The following ANKRD12 variants were observed in gnomAD, a reference collection of about 807,000 sequenced individuals.
The protein encoded by ANKRD12 is ankyrin repeat domain-containing protein 12.
A neutral mutation model predicts 183.4 loss-of-function variants in ANKRD12; 85 were observed. The observed-to-expected ratio is 0.46, with a 90% CI of 0.39 to 0.56. The LOEUF (loss-of-function observed/expected upper bound fraction) is 0.56, where lower values mean the gene tolerates loss of function less well. Among genes scored for constraint, ANKRD12 ranks in the 20% least tolerant of loss-of-function variants. ANKRD12 has a pLI of 0.00. For missense variants in ANKRD12, 2,405 were observed against 2,357.1 expected, an observed-to-expected ratio of 1.02 and a Z score of -0.42; for synonymous variants, 914 against 800.2, an observed-to-expected ratio of 1.14 and a Z score of -2.40.
intron 1 of ANKRD12, among the ~76,000 whole-genome samples, chr18:9,167,215 C>CA (rs1037503212): frequency 2.0e-5 from 3 of 151,814 alleles, no homozygotes; most frequent in African/African-American, 7.3e-5. Context: ...TTTTTGGTTC[C>CA]ATATGAACTT....
At chr18:9,140,471 C>G (rs1240734579) in intron 1 of ANKRD12, among the ~76,000 whole-genome samples, 1 of 152,154 alleles carries the variant, frequency 6.6e-6, no homozygotes, top group Non-Finnish European at 1.5e-5. Context: ...TATGAAGTTT[C>G]TTTAGCCTTT....
At chr18:9,261,002 A>G (rs563424519) in intron 9 of ANKRD12, among the ~76,000 whole-genome samples, 1 of 152,038 alleles carries the variant, frequency 6.6e-6, no homozygotes, top group African/African-American at 2.4e-5. Flanking sequence ...TCCCGTTCTC[A>G]CACTAAGCCT....
rs527756793 is a variant in ANKRD12 at position 9,244,093 on chromosome 18, C to T, written c.944-10118C>T. ...AGGTTACAGTGAGCCGAGGTCGCACCACTGCGCTCCAACCTGGACAACAAG... is the reference window on the plus strand; with the variant it reads ...AGGTTACAGTGAGCCGAGGTCGCACTACTGCGCTCCAACCTGGACAACAAG... On this transcript the variant is annotated intron_variant, in intron 8 of 12. Coordinates refer to ENST00000262126, the MANE Select transcript of ANKRD12 (RefSeq NM_015208.5). Among the ~76,000 whole-genome samples the T allele has an allele frequency of 2.0e-5, 3 of 152,304 alleles. No homozygotes were observed. In the South Asian group the frequency reaches 6.2e-4, roughly 32 times the overall value.
intron 8 of ANKRD12, among the ~76,000 whole-genome samples, chr18:9,251,968 T>C (rs1038170718): frequency 1.9e-4 from 29 of 152,332 alleles, no homozygotes; most frequent in African/African-American, 6.5e-4. Context: ...GAAATAATTG[T>C]ATAAAATGTT....
At chr18:9,251,299 T>C (rs2038283798) in intron 8 of ANKRD12, among the ~76,000 whole-genome samples, 1 of 152,156 alleles carries the variant, frequency 6.6e-6, no homozygotes, top group Non-Finnish European at 1.5e-5. Flanking sequence ...TTGGATACCA[T>C]ACAAGAAAAG....
chr18:9,262,432 G>T (rs1395399682), intron 9 of ANKRD12, among the ~76,000 whole-genome samples: 3 of 152,092 alleles, frequency 2.0e-5, no homozygotes, highest in Admixed American at 6.5e-5. Flanking sequence ...GCCATCTCTT[G>T]GACATCTTTT....
At chr18:9,223,059 A>G (rs1360075275) in intron 8 of ANKRD12, among the ~76,000 whole-genome samples, 1 of 152,228 alleles carries the variant, frequency 6.6e-6, no homozygotes, top group African/African-American at 2.4e-5. Context: ...GAAAAAATTT[A>G]ATTATCTGAA....
intron 7 of ANKRD12, among the ~76,000 whole-genome samples, chr18:9,220,231 T>C (rs1388581787): frequency 1.3e-5 from 2 of 152,248 alleles, no homozygotes; most frequent in Non-Finnish European, 2.9e-5. Flanking sequence ...TTTCATGTTA[T>C]TCATTTAAGT....
At chr18:9,249,473 T>C (rs191470308) in intron 8 of ANKRD12, among the ~76,000 whole-genome samples, 2 of 152,312 alleles carry the variant, frequency 1.3e-5, no homozygotes, top group Admixed American at 1.3e-4. Context: ...GAAATGATTC[T>C]AAACCAGTGA....
intron 5 of ANKRD12, among the ~76,000 whole-genome samples, chr18:9,211,153 G>A (rs2035781573): frequency 6.6e-6 from 1 of 151,856 alleles, no homozygotes; most frequent in Middle Eastern, 3.2e-3. Flanking sequence ...ACCTTGATTT[G>A]CACATAATAT....
intron 2 of ANKRD12, among the ~76,000 whole-genome samples, chr18:9,184,553 C>G (rs1222597154): frequency 2.0e-5 from 3 of 152,008 alleles, no homozygotes; most frequent in Non-Finnish European, 4.4e-5. Context: ...CCACTATGCC[C>G]AGAGATAGGG....
chr18:9,211,268 A>C (rs1396920994), intron 5 of ANKRD12, among the ~76,000 whole-genome samples: 2 of 152,180 alleles, frequency 1.3e-5, no homozygotes, highest in African/African-American at 4.8e-5. Context: ...ATACCTAGGA[A>C]AAATGTTTCA....
At chr18:9,268,924 T>C (rs2039449556) in intron 10 of ANKRD12, among the ~76,000 whole-genome samples, 1 of 152,184 alleles carries the variant, frequency 6.6e-6, no homozygotes, top group Admixed American at 6.5e-5. Flanking sequence ...TTCAGCAAAG[T>C]CTCAGGATGC....
intron 10 of ANKRD12, among the ~76,000 whole-genome samples, chr18:9,274,097 C>G (rs2039724560): frequency 6.6e-6 from 1 of 152,222 alleles, no homozygotes; most frequent in Non-Finnish European, 1.5e-5. Context: ...TGTCACTGGT[C>G]ACAAGAATGT....
At chr18:9,228,226 G>A (rs910084856) in intron 8 of ANKRD12, among the ~76,000 whole-genome samples, 4 of 152,108 alleles carry the variant, frequency 2.6e-5, no homozygotes, top group Admixed American at 6.5e-5. Context: ...CCATTCATCC[G>A]TTGATGGGCA....
rs572210087 is a variant in ANKRD12 at position 9,150,843 on chromosome 18, CAG to C, written c.-52+13879_-52+13880del. On this transcript the variant is annotated intron_variant, in intron 1 of 12. Transcript: ENST00000262126. The stretch of plus-strand genomic sequence containing the variant: ...TAATTTTTTGTATTTTCAGTAGAGA[CAG>C]GGTTTCACCATATTAGCCAGGATGG... Among the ~76,000 whole-genome samples the C allele has an allele frequency of 4.8e-3, 724 of 152,110 alleles. 3 individuals carry two copies. The highest frequency in any genetic ancestry group is 0.029 in the South Asian group (142 of 4,820).
chr18:9,216,615 T>A (rs1188328583), intron 6 of ANKRD12, 143 bp from the exon 7 acceptor site: 2 of 744,242 alleles, frequency 2.7e-6, no homozygotes, highest in African/African-American at 1.8e-5. Context: ...TCTTATTTAT[T>A]TTTAGTAGCT....
At chr18:9,143,889 T>G (rs2078406117) in intron 1 of ANKRD12, among the ~76,000 whole-genome samples, 1 of 152,232 alleles carries the variant, frequency 6.6e-6, no homozygotes, top group Non-Finnish European at 1.5e-5. Context: ...ATTGGCTTAC[T>G]CATTCTTTCC....
chr18:9,173,943 C>T (rs746823546), intron 1 of ANKRD12, among the ~76,000 whole-genome samples: 1 of 152,242 alleles, frequency 6.6e-6, no homozygotes, highest in African/African-American at 2.4e-5. Context: ...GGGCACTCCT[C>T]CCCCTAGGGG....
Sources: allele counts gnomAD v4.1 joint callset (sites outside exome capture counted in the v4.1 genomes callset), GRCh38; gene constraint gnomAD v4.1.1; transcripts MANE v1.5; gene names NCBI Gene and HGNC (gene_info 2026-07-23, HGNC 2026-07-21).